Variants in RERE observed in about 807,000 individuals in gnomAD.
RERE encodes the protein arginine-glutamic acid dipeptide repeats protein.
Under a neutral mutation model 146.1 loss-of-function variants are expected in RERE, and 40 were observed. The ratio of observed to expected loss-of-function variants is 0.27; its 90% CI spans 0.21 to 0.36. RERE has a LOEUF of 0.36. Ranked by LOEUF, RERE falls within the 10% of genes least tolerant of loss-of-function variation. RERE has a pLI of 1.00. For synonymous variants in RERE, 1,003 were observed against 866.0 expected, an observed-to-expected ratio of 1.16 and a Z score of -2.78; for missense variants, 1,933 against 2,138.7, an observed-to-expected ratio of 0.90 and a Z score of 1.90.
chr1:8,556,443 T>G (rs777294466), intron 6 of RERE, 32 bp downstream of exon 6: 1 of 1,279,078 alleles, frequency 7.8e-7, no homozygotes, highest in Non-Finnish European at 1.1e-6. Flanking sequence ...TGACTCCTCC[T>G]TCACATGGAA....
intron 1 of RERE, among the ~76,000 whole-genome samples, chr1:8,744,189 GT>G (rs1640373572): frequency 6.6e-6 from 1 of 152,154 alleles, no homozygotes; most frequent in African/African-American, 2.4e-5. Context: ...AAATGAAATT[GT>G]TATTCCAACT....
intron 2 of RERE, among the ~76,000 whole-genome samples, chr1:8,650,155 A>C (rs1647541816): frequency 6.6e-6 from 1 of 152,214 alleles, no homozygotes; most frequent in African/African-American, 2.4e-5. Context: ...AAGGTGAAAA[A>C]GACCTGGTTG....
At chr1:8,491,343 G>A (rs1644977844) in intron 10 of RERE, among the ~76,000 whole-genome samples, 1 of 152,206 alleles carries the variant, frequency 6.6e-6, no homozygotes, top group Admixed American at 6.5e-5. Flanking sequence ...GGAAGGCTGA[G>A]GCAGGAGAAT....
intron 20 of RERE, among the ~76,000 whole-genome samples, chr1:8,357,874 T>G (rs1370563556): frequency 6.6e-6 from 1 of 152,220 alleles, no homozygotes; most frequent in Admixed American, 6.5e-5. Flanking sequence ...AAAGGCCACA[T>G]GACACTGCTC....
chr1:8,423,772 G>T lies in RERE; in HGVS notation c.1204-965C>A, dbSNP rs1054128817. The T allele has an allele frequency of 2.2e-5, 18 of 824,090 alleles. No homozygotes were observed. The highest frequency in any genetic ancestry group is 3.7e-5 in the African/African-American group (2 of 53,380). The allele number at this position is 824,090 out of a possible 1,614,324, so 51.0% of individuals were successfully genotyped here. A position where few individuals can be genotyped will look rare whatever the true frequency, so the allele number is the denominator to read the frequency against. ...CGCGGGGCTGGGGCCGCCGCTGACG[G>T]GGGAGGAGGCAGGAGCGCGGCGCGC... is the stretch of plus-strand genomic sequence containing the variant. On this transcript the variant is annotated intron_variant, in intron 11 of 22. Coordinates refer to ENST00000400908, the MANE Select transcript of RERE (RefSeq NM_001042681.2). This position sits in a 1 kb window ranked among gnomAD's most constrained non-coding sequence, Gnocchi z 5.4.
intron 11 of RERE, among the ~76,000 whole-genome samples, chr1:8,443,260 A>G (rs752807408): frequency 6.6e-6 from 1 of 152,072 alleles, no homozygotes; most frequent in Non-Finnish European, 1.5e-5. Flanking sequence ...CAGGAGTTCA[A>G]GACCAGCCTG....
intron 1 of RERE, among the ~76,000 whole-genome samples, chr1:8,689,384 C>G (rs1639159058): frequency 6.6e-6 from 1 of 152,162 alleles, no homozygotes; most frequent in Non-Finnish European, 1.5e-5. Context: ...TAGATAGCCA[C>G]AAATAACTCC....
At chr1:8,385,776 C>T (rs1642616715) in intron 12 of RERE, among the ~76,000 whole-genome samples, 1 of 149,516 alleles carries the variant, frequency 6.7e-6, no homozygotes, top group South Asian at 2.1e-4. Flanking sequence ...TCCTGGCTAA[C>T]ATGGTGAAAC....
chr1:8,792,164 A>C (rs929067095), intron 1 of RERE, among the ~76,000 whole-genome samples: 1 of 152,244 alleles, frequency 6.6e-6, no homozygotes, highest in Non-Finnish European at 1.5e-5. Flanking sequence ...ATGAAGCCCA[A>C]GTTATAAATT....
chr1:8,490,221 GAC>G lies in RERE; in HGVS notation c.1104+4840_1104+4841del, dbSNP rs1206440830. 3.4e-3 allele frequency among the ~76,000 whole-genome samples: 492 copies of G among 142,820 alleles called. 1 individual carries two copies. Among genetic ancestry groups the G allele is most frequent in the African/African-American group, 0.014 (464 of 32,936 alleles). The allele number at this position is 142,820 out of a possible 152,430, so 93.7% of individuals were successfully genotyped here. A position where few individuals can be genotyped will look rare whatever the true frequency, so the allele number is the denominator to read the frequency against. ...ACGAAAAATACAAAAAAATTAGCTG[GAC>G]GTGGTGGCACATGCCTGTAGCTACT... On this transcript the variant is annotated intron_variant, in intron 10 of 22. Transcript: ENST00000400908.
chr1:8,805,438 G>C (rs6577527), intron 1 of RERE, among the ~76,000 whole-genome samples: 129,455 of 151,934 alleles, frequency 0.85, 55,382 homozygotes, highest in East Asian at 0.95. Context: ...CACTTGAGGT[G>C]AGGAGTTCCA....
chr1:8,446,400 T>C (rs1325067889), intron 11 of RERE, among the ~76,000 whole-genome samples: 1 of 152,212 alleles, frequency 6.6e-6, no homozygotes, highest in Non-Finnish European at 1.5e-5. Flanking sequence ...CCTTTCTCTC[T>C]GGCTGCCCTT....
At chr1:8,581,177 C>T (rs1476915315) in intron 4 of RERE, among the ~76,000 whole-genome samples, 1 of 152,158 alleles carries the variant, frequency 6.6e-6, no homozygotes, top group Non-Finnish European at 1.5e-5. Context: ...TCAATTTAGC[C>T]ATTCTAGAGG....
chr1:8,659,768 C>T (rs1354724202), intron 1 of RERE, among the ~76,000 whole-genome samples: 2 of 152,158 alleles, frequency 1.3e-5, no homozygotes, highest in African/African-American at 4.8e-5. Context: ...AAGATAACTG[C>T]TCCAGAAAAC....
intron 8 of RERE, among the ~76,000 whole-genome samples, chr1:8,498,667 G>C (rs1037404776): frequency 1.4e-5 from 2 of 145,790 alleles, no homozygotes; most frequent in African/African-American, 5.1e-5. Context: ...CTGCACTCCA[G>C]CCTAGGTGAC....
chr1:8,478,014 C>A (rs1286186891), intron 10 of RERE, among the ~76,000 whole-genome samples: 3 of 152,200 alleles, frequency 2.0e-5, no homozygotes, highest in African/African-American at 4.8e-5. Context: ...AAAACAGTGT[C>A]CCCAAAAGCC....
At chr1:8,627,445 T>C (rs1319531223) in intron 2 of RERE, among the ~76,000 whole-genome samples, 2 of 151,774 alleles carry the variant, frequency 1.3e-5, no homozygotes, top group Non-Finnish European at 2.9e-5. Flanking sequence ...ACACTAAAAA[T>C]ACAAAAATTA....
intron 10 of RERE, among the ~76,000 whole-genome samples, chr1:8,478,111 G>A (rs1644778375): frequency 6.6e-6 from 1 of 152,112 alleles, no homozygotes; most frequent in African/African-American, 2.4e-5. Context: ...TCTAATAACA[G>A]GTCTCAAAAG....
chr1:8,760,857 C>T (rs1336388638), intron 1 of RERE, among the ~76,000 whole-genome samples: 1 of 152,166 alleles, frequency 6.6e-6, no homozygotes, highest in African/African-American at 2.4e-5. Flanking sequence ...CTCAGGGCAA[C>T]ATTAGCTACC....
Sources: allele counts gnomAD v4.1 joint callset (sites outside exome capture counted in the v4.1 genomes callset), GRCh38; gene constraint gnomAD v4.1.1; non-coding constraint Gnocchi (gnomAD v3.1); transcripts MANE v1.5; gene names NCBI Gene and HGNC (gene_info 2026-07-23, HGNC 2026-07-21).